The following NKAIN3 variants were observed in gnomAD, a reference collection of about 807,000 sequenced individuals.
NKAIN3 encodes the protein sodium/potassium-transporting ATPase subunit beta-1-interacting protein 3.
In NKAIN3, 25 loss-of-function variants were observed where a neutral mutation model predicts 30.2. The observed-to-expected ratio is 0.83, with a 90% CI of 0.60 to 1.16. The LOEUF (loss-of-function observed/expected upper bound fraction) is 1.16. NKAIN3 is among the 50% of genes most tolerant of loss of function. The pLI, the probability that NKAIN3 is intolerant of heterozygous loss-of-function variation, is 0.00. For missense variants in NKAIN3, 225 were observed against 254.1 expected, an observed-to-expected ratio of 0.89 and a Z score of 0.78; for synonymous variants, 91 against 89.6, an observed-to-expected ratio of 1.02 and a Z score of -0.09.
intron 1 of NKAIN3, among the ~76,000 whole-genome samples, chr8:62,419,366 A>C (rs560407489): frequency 6.6e-6 from 1 of 152,288 alleles, no homozygotes; most frequent in African/African-American, 2.4e-5. Flanking sequence ...TTGATAGTTA[A>C]GGTATATCTT....
At position 62,977,235 on chromosome 8, in the gene NKAIN3, A is replaced by G. The variant is rs930523976; in HGVS notation, c.*11828A>G. 2.0e-5 allele frequency among the ~76,000 whole-genome samples: 3 copies of G among 151,284 alleles called. No individual in the cohort carries two copies. The highest frequency in any genetic ancestry group is 4.4e-5 in the Non-Finnish European group (3 of 67,536). ...CTGAATTTGTATTCTGTATTTCCTA[A>G]GCCTGCCTTGCGAGGTTGGGGAAGT... On this transcript the variant is annotated 3_prime_UTR_variant, in exon 7 of 7. Transcript: ENST00000623646.
chr8:62,462,441 T>C (rs1238815738), intron 1 of NKAIN3, among the ~76,000 whole-genome samples: 1 of 152,230 alleles, frequency 6.6e-6, no homozygotes, highest in African/African-American at 2.4e-5. Context: ...TAATTATTTG[T>C]TGACTGACAC....
intron 2 of NKAIN3, among the ~76,000 whole-genome samples, chr8:62,580,276 T>C (rs79172336): frequency 6.6e-6 from 1 of 152,206 alleles, no homozygotes; most frequent in Non-Finnish European, 1.5e-5. Flanking sequence ...CACTCCATTA[T>C]AGGACAGTTT....
chr8:62,308,360 G>C (rs1814320870), intron 1 of NKAIN3, among the ~76,000 whole-genome samples: 2 of 150,268 alleles, frequency 1.3e-5, no homozygotes, highest in South Asian at 2.1e-4. Flanking sequence ...AATGCATAAA[G>C]TAAGTGTAGT....
rs1029691704 is a variant in NKAIN3, at chr8:62,970,021, C to T, written c.*4614C>T. Among the ~76,000 whole-genome samples the T allele has an allele frequency of 1.3e-5, 2 of 151,862 alleles. No homozygotes were observed. Among genetic ancestry groups the T allele is most frequent in the South Asian group, 4.2e-4 (2 of 4,794 alleles). ...ACCAGCTTGGGCAAAATAGTGAGAC[C>T]GTATCTCTACAAAAACAAACAAATA... is the stretch of plus-strand genomic sequence containing the variant. On this transcript the variant is annotated 3_prime_UTR_variant, in exon 7 of 7. Coordinates refer to ENST00000623646, the MANE Select transcript of NKAIN3 (RefSeq NM_001304533.3).
At chr8:62,881,648 T>A (rs1170026470) in intron 4 of NKAIN3, among the ~76,000 whole-genome samples, 1 of 152,242 alleles carries the variant, frequency 6.6e-6, no homozygotes, top group Admixed American at 6.5e-5. Context: ...ATGAAGGACA[T>A]CTTGGTTGCT....
intron 4 of NKAIN3, among the ~76,000 whole-genome samples, chr8:62,894,926 A>G (rs187498317): frequency 2.6e-5 from 4 of 152,334 alleles, no homozygotes; most frequent in African/African-American, 9.6e-5. Flanking sequence ...AGGAAGAACA[A>G]AAGGATATCA....
intron 3 of NKAIN3, among the ~76,000 whole-genome samples, chr8:62,740,701 A>T (rs1042681540): frequency 3.3e-5 from 5 of 152,154 alleles, no homozygotes. Flanking sequence ...TATGAATAAA[A>T]TGTGTGCAGG....
At chr8:62,809,453 TC>T (rs1372114374) in intron 4 of NKAIN3, among the ~76,000 whole-genome samples, 1 of 152,178 alleles carries the variant, frequency 6.6e-6, no homozygotes, top group African/African-American at 2.4e-5. Flanking sequence ...CTAATAAATG[TC>T]CATGAAATCT....
intron 6 of NKAIN3, among the ~76,000 whole-genome samples, chr8:62,964,832 G>C (rs1247850362): frequency 6.6e-6 from 1 of 151,972 alleles, no homozygotes; most frequent in Non-Finnish European, 1.5e-5. Flanking sequence ...CACCTTTACA[G>C]CGAGAGGTAA....
intron 3 of NKAIN3, among the ~76,000 whole-genome samples, chr8:62,637,972 C>A (rs369121149): frequency 6.6e-6 from 1 of 152,124 alleles, no homozygotes. Context: ...CTAAAGGACT[C>A]GCCAGTTGAT....
At chr8:62,280,984 G>T (rs920336139) in intron 1 of NKAIN3, among the ~76,000 whole-genome samples, 1 of 152,176 alleles carries the variant, frequency 6.6e-6, no homozygotes, top group Non-Finnish European at 1.5e-5. Context: ...GTAGAATTCA[G>T]CTGTGAATCC....
intron 3 of NKAIN3, among the ~76,000 whole-genome samples, chr8:62,729,511 G>T (rs183208667): frequency 1.3e-5 from 2 of 152,158 alleles, no homozygotes; most frequent in Non-Finnish European, 2.9e-5. Context: ...TAGCAATTGT[G>T]CTCCTTGGTA....
intron 1 of NKAIN3, among the ~76,000 whole-genome samples, chr8:62,382,503 T>C (rs1817307896): frequency 6.6e-6 from 1 of 152,152 alleles, no homozygotes; most frequent in Non-Finnish European, 1.5e-5. Flanking sequence ...ACTTTTTGCT[T>C]TTCCATTTCT....
chr8:62,408,549 T>G (rs1370672693), intron 1 of NKAIN3, among the ~76,000 whole-genome samples: 1 of 152,214 alleles, frequency 6.6e-6, no homozygotes, highest in Non-Finnish European at 1.5e-5. Context: ...TTAGCAGAGA[T>G]CTTTAAAAAC....
intron 4 of NKAIN3, among the ~76,000 whole-genome samples, chr8:62,905,760 TG>T (rs1425150853): frequency 6.6e-6 from 1 of 152,180 alleles, no homozygotes. Flanking sequence ...CATACTTCTC[TG>T]GTCAGTCCTT....
At chr8:62,636,521 A>C (rs893871428) in intron 3 of NKAIN3, among the ~76,000 whole-genome samples, 8 of 152,222 alleles carry the variant, frequency 5.3e-5, no homozygotes, top group African/African-American at 1.9e-4. Flanking sequence ...TAAAGAGCAT[A>C]TTTTAAAATA....
chr8:62,272,256 C>T (rs529067834), intron 1 of NKAIN3, among the ~76,000 whole-genome samples: 2 of 152,264 alleles, frequency 1.3e-5, no homozygotes, highest in Admixed American at 6.5e-5. Flanking sequence ...CTTTTCTACT[C>T]GCCTAGGACA....
chr8:62,376,612 T>A (rs1817092779), intron 1 of NKAIN3, among the ~76,000 whole-genome samples: 1 of 152,168 alleles, frequency 6.6e-6, no homozygotes, highest in South Asian at 2.1e-4. Flanking sequence ...CATTGTACCA[T>A]TTTCTCTAGG....
Sources: gnomAD v4.1 joint callset for allele counts (sites outside exome capture counted in the v4.1 genomes callset) on GRCh38, gnomAD v4.1.1 for gene constraint, MANE v1.5 for transcripts, NCBI Gene and HGNC (gene_info 2026-07-23, HGNC 2026-07-21) for gene names.